Variants in PIK3C2A observed in about 807,000 individuals in gnomAD.
PIK3C2A encodes phosphatidylinositol 4-phosphate 3-kinase C2 domain-containing subunit alpha.
Under a neutral mutation model 204.5 loss-of-function variants are expected in PIK3C2A, and 97 were observed. The ratio of observed to expected loss-of-function variants is 0.47; its 90% CI spans 0.40 to 0.56. The LOEUF is 0.56. PIK3C2A is among the 20% of genes least tolerant of loss of function. PIK3C2A has a pLI of 0.00. For missense variants in PIK3C2A, 1,735 were observed against 1,969.2 expected, an observed-to-expected ratio of 0.88 and a Z score of 2.25; for synonymous variants, 653 against 664.4, an observed-to-expected ratio of 0.98 and a Z score of 0.26.
rs563188344 is a variant in PIK3C2A, at chr11:17,104,463, C to T, written c.3681+706G>A. ...TGCATAGGTCAGGTGCGGTGGCTCACGCCTGTAATCCCAGCACTTTGGGAG... is the reference window on the plus strand; with the variant it reads ...TGCATAGGTCAGGTGCGGTGGCTCATGCCTGTAATCCCAGCACTTTGGGAG... On this transcript the variant is annotated intron_variant, in intron 23 of 32. Transcript: ENST00000691414. Among the ~76,000 whole-genome samples the T allele has an allele frequency of 9.2e-5, 14 of 152,220 alleles. No individual in the cohort carries two copies. The East Asian group carries it at 2.3e-3, about 25-fold the overall frequency.
chr11:17,107,799 G>C (rs1848874690), intron 22 of PIK3C2A, among the ~76,000 whole-genome samples: 1 of 152,236 alleles, frequency 6.6e-6, no homozygotes, highest in African/African-American at 2.4e-5. Context: ...TACCCCGATA[G>C]AAAGTATGTG....
At chr11:17,164,967 A>C (rs1223742731) in intron 2 of PIK3C2A, among the ~76,000 whole-genome samples, 1 of 152,158 alleles carries the variant, frequency 6.6e-6, no homozygotes, top group Non-Finnish European at 1.5e-5. Context: ...AAATAAATGT[A>C]GGGAGACTTA....
intron 15 of PIK3C2A, among the ~76,000 whole-genome samples, chr11:17,121,926 G>C (rs1405792703): frequency 1.3e-5 from 2 of 150,190 alleles, no homozygotes; most frequent in African/African-American, 2.5e-5. Context: ...GGTTTGACTT[G>C]ACAAATTTCT....
intron 25 of PIK3C2A, among the ~76,000 whole-genome samples, chr11:17,100,407 A>G (rs2137282619): frequency 6.6e-6 from 1 of 151,800 alleles, no homozygotes; most frequent in East Asian, 1.9e-4. Context: ...TTTTTGATAG[A>G]GATGGGGTTT....
chr11:17,182,306 T>C (rs540609764), intron 1 of PIK3C2A, among the ~76,000 whole-genome samples: 1 of 152,054 alleles, frequency 6.6e-6, no homozygotes, highest in African/African-American at 2.4e-5. Context: ...TACTCTTGGC[T>C]GGGTGCAGTG....
chr11:17,139,742 A>G (rs1050201677), intron 8 of PIK3C2A, among the ~76,000 whole-genome samples: 1 of 152,234 alleles, frequency 6.6e-6, no homozygotes, highest in Non-Finnish European at 1.5e-5. Flanking sequence ...ATGGTATCCT[A>G]TTGAAACCTT....
intron 2 of PIK3C2A, among the ~76,000 whole-genome samples, chr11:17,156,762 A>G (rs1850606437): frequency 6.6e-6 from 1 of 152,146 alleles, no homozygotes; most frequent in South Asian, 2.1e-4. Flanking sequence ...ACATTTGGAG[A>G]AAAAAATAAA....
rs532819251 is a variant in PIK3C2A at position 17,154,901 on chromosome 11, C to T, written c.1169+625G>A. On this transcript the variant is annotated intron_variant, in intron 3 of 32. Transcript: ENST00000691414. ...AAGTTCAAGATGGGTTTCTAGCACT[C>T]GTAACAGAAGTCACAACTAATATAG... Among the ~76,000 whole-genome samples the T allele has an allele frequency of 9.9e-5, 15 of 152,178 alleles. No individual in the cohort carries two copies. In the East Asian group the frequency reaches 2.9e-3, roughly 29 times the overall value.
At chr11:17,199,903 CAAAAA>C (rs35435978) in intron 1 of PIK3C2A, among the ~76,000 whole-genome samples, 3 of 106,842 alleles carry the variant, frequency 2.8e-5, no homozygotes, top group Admixed American at 9.6e-5. Flanking sequence ...GCCTCCATCT[CAAAAA>C]AAAAAAAAAA....
In PIK3C2A at chr11:17,147,509, AC is replaced by A; in HGVS notation, c.1560+7del. The A allele has an allele frequency of 7.0e-7, 1 of 1,430,718 alleles. No individual in the cohort carries two copies. The highest frequency in any genetic ancestry group is 1.7e-5 in the Admixed American group (1 of 59,426). The allele number at this position is 1,430,718 out of a possible 1,614,324, so 88.6% of individuals were successfully genotyped here. Reference sequence around the variant, plus strand: ...CAAATGGAATTCAGTTATGAGGTACACACTTACTGTTCGGGCCAGATTTTGA... The same window carrying A: ...CAAATGGAATTCAGTTATGAGGTACAACTTACTGTTCGGGCCAGATTTTGA... On this transcript the variant is annotated splice_region_variant and intron_variant, in intron 6 of 32. Transcript: ENST00000691414.
In PIK3C2A at chr11:17,094,288, A is replaced by G. The variant is rs780193486; in HGVS notation, c.4424T>C (p.Ile1475Thr). The part of the protein sequence containing the change: ...EFQELHNKLS[I>T]IFPLWKLPGF... ...TGGTAACTTCCAAAGTGGAAAAATA[A>G]TACTGAGCTTATTGTGAAGTTCCTG... Residue 1475 changes from isoleucine to threonine, a missense_variant, in exon 28 of 33, where the codon ATT becomes ACT. Ile to Thr is a moderately conservative substitution (Grantham distance 89, BLOSUM62 -1). Around this residue, in one of 6 missense-constraint regions of PIK3C2A, gnomAD observed 503 missense variants for 669.0 expected, o/e 0.75. Transcript: ENST00000691414. 50 of 1,611,142 alleles carry G rather than the reference A, an allele frequency of 3.1e-5. No homozygotes were observed. In the African/African-American group the frequency reaches 6.5e-4, roughly 21 times the overall value.
At chr11:17,089,969 G>A in intron 32 of PIK3C2A, 49 bp from the exon 33 acceptor site, 1 of 1,378,314 alleles carries the variant, frequency 7.3e-7, no homozygotes, top group Non-Finnish European at 1.0e-6. Flanking sequence ...AAGTTTGTTT[G>A]GTTTCTTGGA....
chr11:17,188,994 C>A (rs767532187), intron 1 of PIK3C2A, among the ~76,000 whole-genome samples: 1 of 146,812 alleles, frequency 6.8e-6, no homozygotes, highest in Non-Finnish European at 1.5e-5. Context: ...TCCTGAGACA[C>A]AGAAAGGCAA....
intron 1 of PIK3C2A, among the ~76,000 whole-genome samples, chr11:17,198,184 T>C (rs972010260): frequency 5.9e-5 from 9 of 151,398 alleles, no homozygotes; most frequent in Non-Finnish European, 7.4e-5. Context: ...TCTCCGCTCA[T>C]TGCAACCTCC....
intron 1 of PIK3C2A, among the ~76,000 whole-genome samples, chr11:17,184,422 T>C (rs921583774): frequency 1.3e-5 from 2 of 151,998 alleles, no homozygotes; most frequent in Non-Finnish European, 2.9e-5. Flanking sequence ...CTGCCATGTG[T>C]GTTTGTGTCT....
intron 23 of PIK3C2A, among the ~76,000 whole-genome samples, chr11:17,104,658 G>A (rs1379165482): frequency 6.7e-6 from 1 of 148,644 alleles, no homozygotes; most frequent in Non-Finnish European, 1.5e-5. Flanking sequence ...CCAGGAGGCG[G>A]AGCTTGCAGT....
At chr11:17,176,181 T>C (rs1412236235) in intron 1 of PIK3C2A, among the ~76,000 whole-genome samples, 3 of 151,880 alleles carry the variant, frequency 2.0e-5, no homozygotes, top group African/African-American at 7.3e-5. Flanking sequence ...TTTTTGTTTT[T>C]TTTTTAGTAG....
At chr11:17,115,998 T>C (rs1283243484) in intron 19 of PIK3C2A, among the ~76,000 whole-genome samples, 2 of 152,138 alleles carry the variant, frequency 1.3e-5, no homozygotes, top group Non-Finnish European at 2.9e-5. Flanking sequence ...GATTCTTAGA[T>C]ATGACACTAA....
At chr11:17,104,176 T>C (rs113350571) in intron 23 of PIK3C2A, among the ~76,000 whole-genome samples, 2 of 152,192 alleles carry the variant, frequency 1.3e-5, no homozygotes, top group African/African-American at 2.4e-5. Flanking sequence ...CAAGTTAGGA[T>C]CATTAGAGGC....
Sources: allele counts gnomAD v4.1 joint callset (sites outside exome capture counted in the v4.1 genomes callset), GRCh38; gene constraint gnomAD v4.1.1; regional missense constraint gnomAD v4.1.1; transcripts MANE v1.5; gene names NCBI Gene and HGNC (gene_info 2026-07-23, HGNC 2026-07-21).